Variants in KAZN observed in about 807,000 individuals in gnomAD.
The protein encoded by KAZN is kazrin, periplakin interacting protein.
In KAZN, 40 loss-of-function variants were observed where a neutral mutation model predicts 87.4. The observed-to-expected ratio is 0.46, with a 90% CI of 0.36 to 0.60. KAZN has a LOEUF of 0.60. Ranked by LOEUF, KAZN falls within the 20% of genes least tolerant of loss-of-function variation. KAZN has a pLI of 0.00. For missense variants in KAZN, 898 were observed against 1,073.9 expected, an observed-to-expected ratio of 0.84 and a Z score of 2.29; for synonymous variants, 466 against 458.3, an observed-to-expected ratio of 1.02 and a Z score of -0.22.
At chr1:14,660,738 T>C (rs1257701018) in intron 1 of KAZN, among the ~76,000 whole-genome samples, 1 of 152,106 alleles carries the variant, frequency 6.6e-6, no homozygotes, top group East Asian at 1.9e-4. Flanking sequence ...ACTAGCAATC[T>C]CCACTCCCAC....
At chr1:14,366,631 G>A (rs1316078312) in intron 2 of KAZN, among the ~76,000 whole-genome samples, 1 of 152,202 alleles carries the variant, frequency 6.6e-6, no homozygotes, top group Non-Finnish European at 1.5e-5. Flanking sequence ...GAGCACTTTT[G>A]TGTGCCAGCG....
rs111372404 is a variant in KAZN at position 14,178,435 on chromosome 1, A to G, written c.92-2000A>G. ...TTATTGCTATGATTTCAGGTTCACC[A>G]ATCTTTTCTTCTCCATTGTCTAATC... On this transcript the variant is annotated intron_variant, in intron 1 of 16. Coordinates refer to the KAZN transcript ENST00000636203. 7.2e-3 allele frequency among the ~76,000 whole-genome samples: 1,095 copies of G among 152,310 alleles called. 19 individuals are homozygous for G. The highest frequency in any genetic ancestry group is 0.025 in the African/African-American group (1,040 of 41,576).
At chr1:14,216,340 G>A (rs1412748684) in intron 2 of KAZN, among the ~76,000 whole-genome samples, 1 of 152,162 alleles carries the variant, frequency 6.6e-6, no homozygotes, top group Non-Finnish European at 1.5e-5. Flanking sequence ...TAAAGGAGTG[G>A]AATGGTCTGG....
At chr1:14,091,907 T>C (rs1039915104) in intron 1 of KAZN, among the ~76,000 whole-genome samples, 2 of 152,114 alleles carry the variant, frequency 1.3e-5, no homozygotes, top group East Asian at 3.9e-4. Flanking sequence ...CATAGGGTGA[T>C]TGTGAAAGAG....
chr1:14,528,987 C>G (rs151176739), intron 2 of KAZN, among the ~76,000 whole-genome samples: 7 of 152,004 alleles, frequency 4.6e-5, no homozygotes, highest in Non-Finnish European at 1.0e-4. Context: ...TTTATTCTAA[C>G]AATTACTGCA....
intron 1 of KAZN, among the ~76,000 whole-genome samples, chr1:14,042,893 T>A (rs1006070212): frequency 6.6e-6 from 1 of 152,232 alleles, no homozygotes; most frequent in African/African-American, 2.4e-5. Context: ...GTCATAATGA[T>A]CATTATTAAC....
At chr1:14,381,031 C>A (rs1571457150) in intron 2 of KAZN, among the ~76,000 whole-genome samples, 1 of 152,282 alleles carries the variant, frequency 6.6e-6, no homozygotes, top group Middle Eastern at 3.4e-3. Context: ...TCTTCCCTCC[C>A]CTTCTGAGGC....
intron 1 of KAZN, among the ~76,000 whole-genome samples, chr1:14,031,682 G>T (rs1490031223): frequency 6.6e-6 from 1 of 152,166 alleles, no homozygotes; most frequent in East Asian, 1.9e-4. Flanking sequence ...ATCCCACGTT[G>T]TAATTTTGAT....
intron 2 of KAZN, among the ~76,000 whole-genome samples, chr1:14,475,307 G>T (rs896437807): frequency 1.3e-5 from 2 of 152,144 alleles, no homozygotes; most frequent in Non-Finnish European, 2.9e-5. Context: ...TCTTGAAGAA[G>T]GAATTAATTA....
intron 1 of KAZN, among the ~76,000 whole-genome samples, chr1:14,934,928 G>A (rs1225812984): frequency 6.6e-6 from 1 of 152,240 alleles, no homozygotes; most frequent in Non-Finnish European, 1.5e-5. Flanking sequence ...AAACATCCCA[G>A]GCTGAGGGTC....
chr1:14,573,325 A>G (rs1674982880), intron 2 of KAZN, among the ~76,000 whole-genome samples: 1 of 152,140 alleles, frequency 6.6e-6, no homozygotes, highest in South Asian at 2.1e-4. Flanking sequence ...GCTTTCCCAT[A>G]CACCTCTTTT....
At chr1:14,406,245 T>C (rs1209483843) in intron 2 of KAZN, among the ~76,000 whole-genome samples, 4 of 152,106 alleles carry the variant, frequency 2.6e-5, no homozygotes, top group African/African-American at 9.7e-5. Flanking sequence ...ACTCACAAAT[T>C]TGTTTTTAAT....
intron 1 of KAZN, among the ~76,000 whole-genome samples, chr1:14,147,726 G>C (rs577239022): frequency 6.6e-6 from 1 of 151,764 alleles, no homozygotes; most frequent in Admixed American, 6.6e-5. Flanking sequence ...AACCTGGGAG[G>C]CAGAGGTTGC....
chr1:14,881,456 T>C (rs2690022), intron 1 of KAZN, among the ~76,000 whole-genome samples: 115,226 of 152,182 alleles, frequency 0.76, 44,053 homozygotes, highest in East Asian at 0.96. Context: ...AAACTTTCTG[T>C]GACCCGTACC....
chr1:14,508,906 G>A (rs1372701516), intron 2 of KAZN, among the ~76,000 whole-genome samples: 13 of 152,196 alleles, frequency 8.5e-5, no homozygotes, highest in African/African-American at 3.1e-4. Context: ...CAGGAAACTA[G>A]GAAGGGCATT....
chr1:14,515,230 A>G (rs1671240750), intron 2 of KAZN, among the ~76,000 whole-genome samples: 1 of 152,216 alleles, frequency 6.6e-6, no homozygotes, highest in Non-Finnish European at 1.5e-5. Flanking sequence ...TAATCCTTAA[A>G]GCCCCCGACA....
rs200260939 is a variant in KAZN, at chr1:14,960,811, C to G, written c.354C>G (p.Thr118=). 6.2e-7 allele frequency: 1 copy of G among 1,613,004 alleles called. No individual in the cohort carries two copies. The highest frequency in any genetic ancestry group is 2.2e-5 in the East Asian group (1 of 44,878). ...GGKSSEVLSA[T]ELRVQLAQKE... ...AGTCCTCTGAGGTCCTCTCGGCCACCGAGCTCAGGGTCCAGCTGGCCCAGA... is the reference window on the plus strand; with the variant it reads ...AGTCCTCTGAGGTCCTCTCGGCCACGGAGCTCAGGGTCCAGCTGGCCCAGA... Residue 118 remains threonine, a synonymous_variant, in exon 2 of 15, where the codon ACC becomes ACG. Transcript: ENST00000376030.
intron 2 of KAZN, among the ~76,000 whole-genome samples, chr1:14,262,012 C>T (rs1651063243): frequency 6.6e-6 from 1 of 151,864 alleles, no homozygotes; most frequent in Admixed American, 6.6e-5. Context: ...TTTTAATAGT[C>T]ATGTATGTAT....
intron 2 of KAZN, among the ~76,000 whole-genome samples, chr1:14,488,090 T>A (rs921612015): frequency 6.6e-6 from 1 of 152,200 alleles, no homozygotes; most frequent in Non-Finnish European, 1.5e-5. Context: ...TTCATTAAAC[T>A]AATAACTTAC....
Sources: gnomAD v4.1 joint callset for allele counts (sites outside exome capture counted in the v4.1 genomes callset) on GRCh38, gnomAD v4.1.1 for gene constraint, MANE v1.5 for transcripts, NCBI Gene and HGNC (gene_info 2026-07-23, HGNC 2026-07-21) for gene names.